Variants in PARD3B observed in about 807,000 individuals in gnomAD.
PARD3B encodes partitioning defective 3 homolog B.
A neutral mutation model predicts 130.2 loss-of-function variants in PARD3B; 103 were observed. That is an observed-to-expected ratio of 0.79 (90% CI 0.67 to 0.93). PARD3B has a LOEUF of 0.93. Among genes scored for constraint, PARD3B ranks in the 40% least tolerant of loss-of-function variants. The probability of loss-of-function intolerance (pLI) is 0.00; values close to 1 mark genes in which losing one functional copy is unlikely to be tolerated. For synonymous variants in PARD3B, 583 were observed against 553.2 expected, an observed-to-expected ratio of 1.05 and a Z score of -0.76; for missense variants, 1,609 against 1,499.2, an observed-to-expected ratio of 1.07 and a Z score of -1.21.
At chr2:205,002,559 C>T (rs1575531616) in intron 3 of PARD3B, among the ~76,000 whole-genome samples, 1 of 152,266 alleles carries the variant, frequency 6.6e-6, no homozygotes, top group East Asian at 1.9e-4. Flanking sequence ...GTAGGCTCAA[C>T]CACTTCTTAT....
intron 2 of PARD3B, among the ~76,000 whole-genome samples, chr2:204,866,049 T>C (rs990886495): frequency 3.9e-5 from 6 of 152,336 alleles, no homozygotes; most frequent in African/African-American, 1.4e-4. Flanking sequence ...GTACCTTCAC[T>C]GAGGGCTTGT....
At chr2:204,835,095 C>G (rs571404599) in intron 2 of PARD3B, among the ~76,000 whole-genome samples, 42 of 152,162 alleles carry the variant, frequency 2.8e-4, no homozygotes, top group Non-Finnish European at 5.9e-4. Flanking sequence ...CAGGAAAGCT[C>G]TTGGAGAACT....
rs1176244977 is a variant in PARD3B, at chr2:205,558,090, G to A, written c.3260+4687G>A. Among the ~76,000 whole-genome samples the A allele has an allele frequency of 6.6e-6, 1 of 152,200 alleles. No homozygotes were observed. Among genetic ancestry groups the A allele is most frequent in the Non-Finnish European group, 1.5e-5 (1 of 68,044 alleles). On this transcript the variant is annotated intron_variant, in intron 22 of 22. Coordinates refer to ENST00000406610, the MANE Select transcript of PARD3B (RefSeq NM_001302769.2). The surrounding 1 kb of genome is among the most constrained non-coding windows in gnomAD (Gnocchi z 4.8). ...GCAAGAGAACATAGCAATCTACTGTGATCTGAGTGATAAGCTGAGCTAATG... is the reference window on the plus strand; with the variant it reads ...GCAAGAGAACATAGCAATCTACTGTAATCTGAGTGATAAGCTGAGCTAATG...
chr2:205,466,933 T>G (rs1171008018), intron 20 of PARD3B, among the ~76,000 whole-genome samples: 3 of 152,146 alleles, frequency 2.0e-5, no homozygotes, highest in Admixed American at 6.5e-5. Flanking sequence ...GGCTGGTCTT[T>G]AACTCCTCAC....
intron 18 of PARD3B, among the ~76,000 whole-genome samples, chr2:205,361,629 C>T (rs557829778): frequency 6.6e-6 from 1 of 152,188 alleles, no homozygotes; most frequent in Non-Finnish European, 1.5e-5. Flanking sequence ...CTTAAGGTAA[C>T]GTCTTTAGGT....
intron 3 of PARD3B, among the ~76,000 whole-genome samples, chr2:205,018,722 C>CAAAAAAAAAAAAAAAAAAA (rs5837948): frequency 7.0e-5 from 3 of 43,160 alleles, no homozygotes; most frequent in Admixed American, 4.1e-4. Flanking sequence ...GCAGTATAAG[C>CAAAAAAAAAAAAAAAAAAA]AAAAAAAAAA....
chr2:205,236,838 GA>G (rs2039083944), intron 15 of PARD3B, among the ~76,000 whole-genome samples: 2 of 152,192 alleles, frequency 1.3e-5, no homozygotes, highest in Non-Finnish European at 2.9e-5. Flanking sequence ...AGTGGACACA[GA>G]AAAAATACTT....
intron 18 of PARD3B, among the ~76,000 whole-genome samples, 192 bp from the exon 19 acceptor site, chr2:205,400,819 GAA>G (rs1177928558): frequency 2.0e-5 from 3 of 152,092 alleles, no homozygotes; most frequent in Non-Finnish European, 4.4e-5. Context: ...AAAGAAGAGA[GAA>G]AAGGGGGAAT....
intron 20 of PARD3B, among the ~76,000 whole-genome samples, chr2:205,491,198 T>C (rs1222187209): frequency 6.6e-6 from 1 of 152,178 alleles, no homozygotes; most frequent in African/African-American, 2.4e-5. Flanking sequence ...ATGTCCTGAA[T>C]GGTATTGCCT....
At chr2:205,399,159 A>G (rs1172968198) in intron 18 of PARD3B, among the ~76,000 whole-genome samples, 1 of 151,780 alleles carries the variant, frequency 6.6e-6, no homozygotes, top group Non-Finnish European at 1.5e-5. Context: ...AATCCCAGCT[A>G]CTTGGGAGGC....
chr2:205,505,294 G>A (rs141141058), intron 21 of PARD3B, among the ~76,000 whole-genome samples: 2,393 of 152,180 alleles, frequency 0.016, 56 homozygotes, highest in African/African-American at 0.053. Flanking sequence ...AATGTTAAAT[G>A]ACGAGTTGCT....
chr2:204,604,247 G>A (rs1481319075), intron 1 of PARD3B, among the ~76,000 whole-genome samples: 1 of 152,142 alleles, frequency 6.6e-6, no homozygotes, highest in Non-Finnish European at 1.5e-5. Flanking sequence ...GAATTGGACA[G>A]TGACCATGCT....
intron 16 of PARD3B, among the ~76,000 whole-genome samples, chr2:205,260,071 G>A (rs746778627): frequency 1.1e-4 from 16 of 152,242 alleles, no homozygotes; most frequent in South Asian, 2.1e-4. Context: ...GTGGTTGTTT[G>A]GCACCACCAT....
chr2:205,082,456 T>A (rs1701476116), intron 4 of PARD3B, among the ~76,000 whole-genome samples: 1 of 152,192 alleles, frequency 6.6e-6, no homozygotes, highest in African/African-American at 2.4e-5. Flanking sequence ...TTGTGTGCAC[T>A]TTCTCTCTCT....
At chr2:205,305,635 A>T (rs923747794) in intron 18 of PARD3B, among the ~76,000 whole-genome samples, 1 of 152,198 alleles carries the variant, frequency 6.6e-6, no homozygotes, top group Non-Finnish European at 1.5e-5. Context: ...GAGAGGTGAA[A>T]ATTACAGGCT....
intron 20 of PARD3B, among the ~76,000 whole-genome samples, chr2:205,498,209 A>AG (rs1020109818): frequency 3.3e-5 from 5 of 150,500 alleles, no homozygotes; most frequent in African/African-American, 1.2e-4. Flanking sequence ...AAAAAAAAAA[A>AG]AAAAAAAACA....
At chr2:204,628,703 G>C (rs1020520692) in intron 1 of PARD3B, among the ~76,000 whole-genome samples, 1 of 152,084 alleles carries the variant, frequency 6.6e-6, no homozygotes, top group East Asian at 1.9e-4. Flanking sequence ...AACCTTGCCA[G>C]TATACATTTT....
chr2:204,733,824 C>T (rs530131447), intron 2 of PARD3B, among the ~76,000 whole-genome samples: 1 of 152,102 alleles, frequency 6.6e-6, no homozygotes, highest in African/African-American at 2.4e-5. Flanking sequence ...TTACTAAACA[C>T]ACCCATCTCC....
At chr2:205,000,511 C>T (rs1694742887) in intron 3 of PARD3B, among the ~76,000 whole-genome samples, 1 of 152,124 alleles carries the variant, frequency 6.6e-6, no homozygotes, top group Non-Finnish European at 1.5e-5. Context: ...AAAAAGCAAT[C>T]CCCCATTTTC....
Sources: allele counts gnomAD v4.1 joint callset (sites outside exome capture counted in the v4.1 genomes callset), GRCh38; gene constraint gnomAD v4.1.1; non-coding constraint Gnocchi (gnomAD v3.1); transcripts MANE v1.5; gene names NCBI Gene and HGNC (gene_info 2026-07-23, HGNC 2026-07-21).